GLA: variants seen among roughly 807,000 people sequenced by gnomAD.
The protein encoded by GLA is galactosidase alpha.
Under a neutral mutation model 28.2 loss-of-function variants are expected in GLA, and 4 were observed. The observed-to-expected ratio is 0.14, with a 90% confidence interval of 0.07 to 0.32. GLA has a LOEUF of 0.32. Among genes scored for constraint, GLA ranks in the 10% least tolerant of loss-of-function variants. GLA has a pLI of 1.00. For synonymous variants in GLA, 94 were observed against 113.0 expected (o/e 0.83, Z 1.07); for missense variants, 203 against 323.7 (o/e 0.63, Z 2.86).
chrX:101,398,651 T>A, intron 5 of GLA, 84 bp from the exon 6 acceptor site: 1 of 1,018,590 alleles, frequency 9.8e-7, no homozygotes, highest in Non-Finnish European at 1.4e-6. Flanking sequence ...GAGAAACCAC[T>A]TTCCACAGCA....
At position 101,401,694 on chromosome X, in the gene GLA, C is replaced by A. The variant is rs727504350; in HGVS notation, c.485G>T (p.Trp162Leu). The change falls in exon 3 of 7, where the codon TGG becomes TTG. Residue 162 changes from tryptophan (W) to leucine (L), a missense_variant. Trp to Leu is a moderately conservative substitution (Grantham distance 61). This residue lies in a region of GLA where 162 missense variants were observed against 246.8 expected (regional missense o/e 0.66). Coordinates refer to ENST00000218516, the MANE Select transcript of GLA (RefSeq NM_000169.3). ...ATCAAATTTTAGCAGATCTACTCCC[C>A]AGTCAGCAAAGGTCTGGGCATCAAT... ...YDIDAQTFAD[W>L]GVDLLKFDGC... is the part of the protein sequence containing the mutation. The A allele has an allele frequency of 1.7e-6, 2 of 1,210,546 alleles. No individual in the cohort carries two copies. The highest frequency in any genetic ancestry group is 2.2e-6 in the Non-Finnish European group (2 of 894,415).
At chrX:101,399,365 G>A (rs1280967936) in intron 4 of GLA, among the ~76,000 whole-genome samples, 5 of 112,274 alleles carry the variant, frequency 4.5e-5, no homozygotes, top group African/African-American at 1.6e-4. Flanking sequence ...TCAGGAGTTC[G>A]AGACAAGCCT....
intron 1 of GLA, among the ~76,000 whole-genome samples, chrX:101,406,211 CAAAAAAAA>C (rs781880952): frequency 2.8e-5 from 1 of 35,688 alleles, no homozygotes; most frequent in Admixed American, 3.5e-4. Flanking sequence ...GACCCCGTCT[CAAAAAAAA>C]AAAAAAAAAA....
At chrX:101,407,183 C>G (rs1244427348) in intron 1 of GLA, among the ~76,000 whole-genome samples, 1 of 111,831 alleles carries the variant, frequency 8.9e-6, no homozygotes, top group Non-Finnish European at 1.9e-5. Context: ...CTAACTCCCT[C>G]GAGATACTGC....
In GLA at chrX:101,407,781, G is replaced by A. The variant is rs137902198; in HGVS notation, c.123C>T (p.Thr41=). The A allele has an allele frequency of 2.2e-4, 269 of 1,209,596 alleles. 1 individual carries two copies. The highest frequency in any genetic ancestry group is 2.9e-4 in the Non-Finnish European group (255 of 894,559). The change falls in exon 1 of 7, where the codon ACC becomes ACT. Residue 41 remains threonine, a synonymous_variant. Transcript: ENST00000218516. ...ALDNGLARTP[T]MGWLHWERFM... ...AGCGCTCCCAGTGCAGCCAGCCCATGGTAGGCGTCCTTGCCAATCCATTGT... is the reference window on the plus strand; with the variant it reads ...AGCGCTCCCAGTGCAGCCAGCCCATAGTAGGCGTCCTTGCCAATCCATTGT...
Position 101,401,654 on chromosome X carries a change from G to T in GLA, c.525C>A (p.Asp175Glu), listed in dbSNP as rs782722844. ...DLLKFDGCYC[D>E]SLENLADGYK... is the part of the protein sequence containing the mutation. ...TACCATCTGCCAAATTTTCCAAACT[G>T]TCACAGTAACAACCATCAAATTTTA... is the stretch of plus-strand genomic sequence containing the variant. The change falls in exon 3 of 7, where the codon GAC becomes GAA. Residue 175 changes from aspartate (D) to glutamate (E), a missense_variant. Around this residue, in one of 3 missense-constraint regions of GLA, gnomAD observed 162 missense variants for 246.8 expected, o/e 0.66. Coordinates refer to ENST00000218516, the MANE Select transcript of GLA (RefSeq NM_000169.3). 10 of 1,208,878 alleles carry T rather than the reference G, an allele frequency of 8.3e-6. No individual in the cohort carries two copies. The highest frequency in any genetic ancestry group is 2.3e-4 in the Middle Eastern group (1 of 4,366).
chrX:101,400,322 G>A (rs1306164682), intron 4 of GLA, among the ~76,000 whole-genome samples: 2 of 111,292 alleles, frequency 1.8e-5, no homozygotes, highest in Non-Finnish European at 3.8e-5. Flanking sequence ...GGTCCCAGCA[G>A]TCTGGTTGAG....
intron 1 of GLA, among the ~76,000 whole-genome samples, chrX:101,406,144 G>A (rs1928505953): frequency 2.0e-5 from 2 of 102,529 alleles, no homozygotes; most frequent in South Asian, 4.7e-4. Flanking sequence ...CCCAGGAGGC[G>A]GAGCTTGCAG....
intron 4 of GLA, chrX:101,399,928 G>A: frequency 8.9e-6 from 1 of 111,976 alleles, no homozygotes; most frequent in Middle Eastern, 4.6e-3. Flanking sequence ...AAGGAGCCCG[G>A]CCCTTTAAAA....
chrX:101,403,414 G>A (rs151137023), intron 2 of GLA, among the ~76,000 whole-genome samples: 61 of 110,028 alleles, frequency 5.5e-4, no homozygotes, highest in African/African-American at 2.0e-3. Context: ...TGTCATGAGG[G>A]CTGTTTCTTT....
chrX:101,404,654 C>T (rs1296714572), intron 1 of GLA, among the ~76,000 whole-genome samples: 2 of 102,972 alleles, frequency 1.9e-5, no homozygotes, highest in Non-Finnish European at 3.9e-5. Context: ...ACTGCAACCT[C>T]TGCCTCCCCG....
At chrX:101,402,487 G>A (rs568102591) in intron 2 of GLA, among the ~76,000 whole-genome samples, 4 of 112,211 alleles carry the variant, frequency 3.6e-5, no homozygotes, top group African/African-American at 1.3e-4. Flanking sequence ...TTCATCGGCC[G>A]GGCGTGGTGG....
chrX:101,398,971 T>C (rs1408279281), intron 4 of GLA, 25 bp from the exon 5 acceptor site: 1 of 1,168,090 alleles, frequency 8.6e-7, no homozygotes, highest in Non-Finnish European at 1.2e-6. Flanking sequence ...ATGACTCTTC[T>C]GTTTACTTTC....
rs782803696 is a variant in GLA, at chrX:101,403,985, A to G, written c.195T>C (p.Ser65=). 7 of 1,200,998 alleles carry G rather than the reference A, an allele frequency of 5.8e-6. No individual in the cohort carries two copies. The Admixed American group carries it at 1.3e-4, about 22-fold the overall frequency. Residue 65 remains serine, a splice_region_variant and synonymous_variant, in exon 2 of 7, where the codon AGT becomes AGC. Transcript: ENST00000218516. ...CTGCCATCTCCATGAAGAGCTTCTC[A>G]CTGAAAGAGAAATTCCAATAATCAT... ...DCQEEPDSCI[S]EKLFMEMAEL...
chrX:101,405,163 G>A (rs1040467436), intron 1 of GLA, among the ~76,000 whole-genome samples: 1 of 105,159 alleles, frequency 9.5e-6, no homozygotes, highest in Non-Finnish European at 1.9e-5. Context: ...TTGAACCTGG[G>A]AGGCGGAGGT....
intron 1 of GLA, among the ~76,000 whole-genome samples, chrX:101,405,834 C>G (rs1165004145): frequency 1.8e-5 from 2 of 108,203 alleles, no homozygotes; most frequent in African/African-American, 3.4e-5. Context: ...AGGAGAACTG[C>G]TTAAACCCGG....
Position 101,407,712 on chromosome X carries a change from G to A in GLA, c.192C>T (p.Ile64=), listed in dbSNP as rs1555987080. 5.0e-6 allele frequency: 6 copies of A among 1,205,492 alleles called. No homozygotes were observed. In the African/African-American group the frequency reaches 5.3e-5, roughly 11 times the overall value. Residue 64 remains isoleucine, a splice_region_variant and synonymous_variant, in exon 1 of 7, where the codon ATC becomes ATT. Coordinates refer to ENST00000218516, the MANE Select transcript of GLA (RefSeq NM_000169.3). Reference sequence around the variant, plus strand: ...AGGGAGTACCCAATATCTGATACCTGATGCAGGAATCTGGCTCTTCCTGGC... The same window carrying A: ...AGGGAGTACCCAATATCTGATACCTAATGCAGGAATCTGGCTCTTCCTGGC... ...LDCQEEPDSC[I]SEKLFMEMAE... is the part of the protein sequence containing the mutation.
intron 1 of GLA, 39 bp downstream of exon 1, chrX:101,407,661 CCCAAACACAT>C (rs782211056): frequency 8.9e-7 from 1 of 1,121,957 alleles, no homozygotes; most frequent in Non-Finnish European, 1.2e-6. Flanking sequence ...CCCAAACACA[CCCAAACACAT>C]GGAAAAGCAA....
chrX:101,404,566 C>CTTTTTTTTTTTTTTTTTT (rs1171364737), intron 1 of GLA, among the ~76,000 whole-genome samples: 1 of 79,215 alleles, frequency 1.3e-5, no homozygotes, highest in East Asian at 3.6e-4. Flanking sequence ...TCCTTTTTAT[C>CTTTTTTTTTTTTTTTTTT]TTTTTTTTTT....
Sources: gnomAD v4.1 joint callset for allele counts (sites outside exome capture counted in the v4.1 genomes callset) on GRCh38, gnomAD v4.1.1 for gene constraint, gnomAD v4.1.1 regional missense constraint, MANE v1.5 for transcripts, NCBI Gene and HGNC (gene_info 2026-07-23, HGNC 2026-07-21) for gene names.